The following MYO7B variants were observed in gnomAD, a reference collection of about 807,000 sequenced individuals.
The protein encoded by MYO7B is myosin VIIB.
In MYO7B, 212 loss-of-function variants were observed where a neutral mutation model predicts 259.7. The ratio of observed to expected loss-of-function variants is 0.82; its 90% CI spans 0.73 to 0.91. The LOEUF (loss-of-function observed/expected upper bound fraction) is 0.91, where lower values mean the gene tolerates loss of function less well. MYO7B is among the 40% of genes least tolerant of loss of function. The pLI is 0.00. For missense variants in MYO7B, 2,732 were observed against 2,813.5 expected, an observed-to-expected ratio of 0.97 and a Z score of 0.66; for synonymous variants, 1,197 against 1,166.4, an observed-to-expected ratio of 1.03 and a Z score of -0.54.
intron 16 of MYO7B, among the ~76,000 whole-genome samples, chr2:127,591,149 A>T (rs1344951374): frequency 6.6e-6 from 1 of 152,214 alleles, no homozygotes; most frequent in African/African-American, 2.4e-5. Context: ...TGATCACACC[A>T]CTGCACTTCA....
chr2:127,619,114 G>C, intron 26 of MYO7B, among the ~76,000 whole-genome samples: 1 of 146,414 alleles, frequency 6.8e-6, no homozygotes, highest in African/African-American at 2.6e-5. Flanking sequence ...TTGGATGGTA[G>C]AGGCTGGTTG....
chr2:127,631,804 G>C (rs563898933), intron 38 of MYO7B, 51 bp downstream of exon 38: 1 of 1,583,600 alleles, frequency 6.3e-7, no homozygotes, highest in Admixed American at 1.7e-5. Context: ...TCCTCATCCC[G>C]GCCCCTGAGG....
intron 26 of MYO7B, among the ~76,000 whole-genome samples, chr2:127,617,754 G>A (rs934363083): frequency 2.0e-5 from 3 of 150,362 alleles, no homozygotes; most frequent in South Asian, 2.1e-4. Context: ...CACCCGCCTC[G>A]GCCTCCCAAA....
At chr2:127,543,784 A>T (rs7592490) in intron 1 of MYO7B, among the ~76,000 whole-genome samples, 1 of 151,120 alleles carries the variant, frequency 6.6e-6, no homozygotes, top group East Asian at 1.9e-4. Context: ...TCGCTGTGTC[A>T]CCCAGGCTGG....
chr2:127,565,001 C>A (rs1236181855), intron 3 of MYO7B, among the ~76,000 whole-genome samples: 2 of 152,234 alleles, frequency 1.3e-5, no homozygotes, highest in African/African-American at 4.8e-5. Flanking sequence ...ACGCCCTAAC[C>A]CTGGGCCCTA....
rs150909816 is a variant in MYO7B, at chr2:127,568,866, C to G, written c.471-923C>G. On this transcript the variant is annotated intron_variant, in intron 5 of 47. Transcript: ENST00000409816. ...TGAGCTGAGATCGTGCCATTGCACT[C>G]CAGCCCAGGCCAACAACAGCAAGAC... Among the ~76,000 whole-genome samples the G allele has an allele frequency of 9.6e-3, 1,454 of 151,326 alleles. 27 individuals are homozygous for G. The highest frequency in any genetic ancestry group is 0.034 in the African/African-American group (1,378 of 41,116).
rs376626167 is a variant in MYO7B, at chr2:127,619,138, A to G, written c.3399-1202A>G. Among the ~76,000 whole-genome samples the G allele has an allele frequency of 7.6e-3, 499 of 65,648 alleles. 8 individuals carry two copies. Among genetic ancestry groups the G allele is most frequent in the African/African-American group, 0.029 (457 of 15,758 alleles). 43.1% of individuals were successfully genotyped at this position (65,648 alleles called of 152,430 possible). A position where few individuals can be genotyped will look rare whatever the true frequency, so the allele number is the denominator to read the frequency against. ...AGAGGCTGGTTGGATTGTGGTGGCC[A>G]GCTGGATTGTGGGGGCCGGTTGGGT... is the stretch of plus-strand genomic sequence containing the variant. On this transcript the variant is annotated intron_variant, in intron 26 of 47. Transcript: ENST00000409816.
chr2:127,548,707 C>T (rs1162432175), intron 1 of MYO7B, among the ~76,000 whole-genome samples: 1 of 152,140 alleles, frequency 6.6e-6, no homozygotes, highest in Non-Finnish European at 1.5e-5. Context: ...AGCTACCACG[C>T]CCGGCCTCTA....
At position 127,609,427 on chromosome 2, in the gene MYO7B, G is replaced by A. The variant is rs933242662; in HGVS notation, c.2815-79G>A. 27 of 1,352,562 alleles carry A rather than the reference G, an allele frequency of 2.0e-5. No individual in the cohort carries two copies. Among genetic ancestry groups the A allele is most frequent in the African/African-American group, 1.3e-4 (9 of 69,298 alleles). 83.8% of individuals were successfully genotyped at this position (1,352,562 alleles called of 1,614,324 possible). On this transcript the variant is annotated intron_variant, in intron 22 of 47. Coordinates refer to ENST00000409816, the MANE Select transcript of MYO7B (RefSeq NM_001393586.1). The surrounding 1 kb of genome is among the most constrained non-coding windows in gnomAD (Gnocchi z 6.9). Reference sequence around the variant, plus strand: ...TAATGCAACAGCCCCCGTGCTGCCCGGCCTGCTGGACAGTCAGCTGATGGG... The same window carrying A: ...TAATGCAACAGCCCCCGTGCTGCCCAGCCTGCTGGACAGTCAGCTGATGGG...
chr2:127,634,580 C>T lies in MYO7B; in HGVS notation c.5626-16C>T. On this transcript the variant is annotated splice_polypyrimidine_tract_variant and intron_variant, in intron 41 of 47. Transcript: ENST00000409816. ...CCGGAAGCCACCCAACTTCCCTGTA[C>T]CTTCCCCTTCCCCAGGTCATCAGCC... 6.2e-7 allele frequency: 1 copy of T among 1,604,820 alleles called. No individual in the cohort carries two copies. The highest frequency in any genetic ancestry group is 8.5e-7 in the Non-Finnish European group (1 of 1,174,934).
intron 19 of MYO7B, among the ~76,000 whole-genome samples, chr2:127,599,402 G>T (rs1679881821): frequency 6.6e-6 from 1 of 152,202 alleles, no homozygotes; most frequent in Non-Finnish European, 1.5e-5. Flanking sequence ...ATATCCTGCA[G>T]CCTTGCTGAG....
intron 6 of MYO7B, among the ~76,000 whole-genome samples, chr2:127,571,637 C>T (rs1382518486): frequency 2.6e-5 from 4 of 151,628 alleles, no homozygotes; most frequent in African/African-American, 9.7e-5. Context: ...TGCACCACCA[C>T]GCCCAGTTAA....
chr2:127,637,383 G>A lies in MYO7B; in HGVS notation c.6395G>A (p.Arg2132Gln), dbSNP rs201042288. 3.6e-5 allele frequency: 56 copies of A among 1,571,940 alleles called. No individual in the cohort carries two copies. The highest frequency in any genetic ancestry group is 2.8e-4 in the South Asian group (24 of 84,514). The change falls in exon 48 of 48, where the codon CGG (arginine) becomes CAG (glutamine). Residue 2132 changes from arginine to glutamine, a missense_variant. Physicochemically the swap from Arg to Gln is conservative, Grantham distance 43 (BLOSUM62 1). This residue lies in a region of MYO7B where 821 missense variants were observed against 769.3 expected (regional missense o/e 1.07). Transcript: ENST00000409816. Reference sequence around the variant, plus strand: ...CTCCTGAGTGCCATGAACAAGCAGCGGGGCTCCAAGGCCCCAGCCCTGGCC... The same window carrying A: ...CTCCTGAGTGCCATGAACAAGCAGCAGGGCTCCAAGGCCCCAGCCCTGGCC... Reference protein sequence around the residue: ...QQLLSAMNKQRGSKAPALAST With the variant: ...QQLLSAMNKQQGSKAPALAST
chr2:127,594,050 C>T (rs1358749786), intron 18 of MYO7B, among the ~76,000 whole-genome samples: 1 of 152,226 alleles, frequency 6.6e-6, no homozygotes, highest in African/African-American at 2.4e-5. Context: ...CTGGGGAGGC[C>T]CAGCCTCTGC....
At chr2:127,629,384 C>T (rs906019993) in intron 34 of MYO7B, among the ~76,000 whole-genome samples, 11 of 152,190 alleles carry the variant, frequency 7.2e-5, no homozygotes, top group African/African-American at 1.2e-4. Context: ...GTCAGCCCTC[C>T]GAGGGTCTCC....
In MYO7B at chr2:127,546,620, G is replaced by A. The variant is rs771148148; in HGVS notation, c.-24+10789G>A. Among the ~76,000 whole-genome samples the A allele has an allele frequency of 1.7e-4, 26 of 152,268 alleles. No individual in the cohort carries two copies. Among genetic ancestry groups the A allele is most frequent in the African/African-American group, 4.1e-4 (17 of 41,542 alleles). ...GAGATTAGGTAGGACACTGATCCCC[G>A]TAAGCTCAGCCACACTGACCTGCCT... On this transcript the variant is annotated intron_variant, in intron 1 of 47. Coordinates refer to ENST00000409816, the MANE Select transcript of MYO7B (RefSeq NM_001393586.1). This position sits in a 1 kb window ranked among gnomAD's most constrained non-coding sequence, Gnocchi z 4.2.
intron 35 of MYO7B, 93 bp from the exon 36 acceptor site, chr2:127,630,685 C>G: frequency 6.4e-7 from 1 of 1,561,996 alleles, no homozygotes; most frequent in Non-Finnish European, 8.7e-7. Flanking sequence ...TGACCCCTCC[C>G]AAGTCACTGA....
intron 6 of MYO7B, 82 bp downstream of exon 6, chr2:127,569,992 G>A (rs575858862): frequency 3.2e-4 from 463 of 1,463,534 alleles, no homozygotes; most frequent in Non-Finnish European, 4.0e-4. Context: ...GGAGGGACAG[G>A]ATAGGCCACA....
chr2:127,613,056 C>T lies in MYO7B; in HGVS notation c.3398+453C>T, dbSNP rs1482433924. ...TCCGAACATGCAGAGACTGATTGTT[C>T]ACTGCTTTAAGGGACTGACTACTGT... is the stretch of plus-strand genomic sequence containing the variant. On this transcript the variant is annotated intron_variant, in intron 26 of 47. Transcript: ENST00000409816. This position sits in a 1 kb window ranked among gnomAD's most constrained non-coding sequence, Gnocchi z 4.3. Among the ~76,000 whole-genome samples the T allele has an allele frequency of 3.3e-5, 5 of 152,208 alleles. No homozygotes were observed. The South Asian group carries it at 6.2e-4, about 19-fold the overall frequency.
Sources: gnomAD v4.1 joint callset for allele counts (sites outside exome capture counted in the v4.1 genomes callset) on GRCh38, gnomAD v4.1.1 for gene constraint, gnomAD v4.1.1 regional missense constraint, Gnocchi (gnomAD v3.1) non-coding constraint, MANE v1.5 for transcripts, NCBI Gene and HGNC (gene_info 2026-07-23, HGNC 2026-07-21) for gene names.